ACOT9: variants seen among roughly 807,000 people sequenced by gnomAD.
ACOT9 encodes the protein acyl-CoA thioesterase 9.
Under a neutral mutation model 39.7 loss-of-function variants are expected in ACOT9, and 34 were observed. The observed-to-expected ratio is 0.86, with a 90% CI of 0.65 to 1.14. The LOEUF is 1.14. Ranked by LOEUF, ACOT9 falls within the 50% of genes most tolerant of loss-of-function variation. The pLI is 0.00. For missense variants in ACOT9, 313 were observed against 344.1 expected (o/e 0.91, Z 0.71); for synonymous variants, 110 against 120.5 (o/e 0.91, Z 0.57).
Position 23,728,398 on chromosome X carries a change from T to C in ACOT9, c.400+2129A>G, listed in dbSNP as rs755690595. Among the ~76,000 whole-genome samples the C allele has an allele frequency of 3.6e-5, 4 of 110,418 alleles. No individual in the cohort carries two copies. The South Asian group carries it at 1.5e-3, about 43-fold the overall frequency. Reference sequence around the variant, plus strand: ...CCAGGTAAGGTGAGGGGAGCATCCATGATGCATGAGGGGTGGCAGCCATAG... The same window carrying C: ...CCAGGTAAGGTGAGGGGAGCATCCACGATGCATGAGGGGTGGCAGCCATAG... On this transcript the variant is annotated intron_variant, in intron 6 of 15. Coordinates refer to ENST00000379303, the MANE Select transcript of ACOT9 (RefSeq NM_001037171.2).
chrX:23,718,496 A>G (rs1453863655), intron 8 of ACOT9, among the ~76,000 whole-genome samples: 14 of 112,366 alleles, frequency 1.2e-4, no homozygotes, highest in African/African-American at 4.5e-4. Context: ...TTTTCAACCT[A>G]TTTGTCCAAG....
chrX:23,730,577 G>A lies in ACOT9; in HGVS notation c.363-13C>T, dbSNP rs189977421. On this transcript the variant is annotated splice_polypyrimidine_tract_variant and intron_variant, in intron 5 of 15. Coordinates refer to ENST00000379303, the MANE Select transcript of ACOT9 (RefSeq NM_001037171.2). ...AATCCTGCCAAATCTGTGAAATAAAGCAAACAGTGAATTAAATGCAAATCA... is the reference window on the plus strand; with the variant it reads ...AATCCTGCCAAATCTGTGAAATAAAACAAACAGTGAATTAAATGCAAATCA... 1 of 1,196,012 alleles carries A rather than the reference G, an allele frequency of 8.4e-7. No homozygotes were observed. The highest frequency in any genetic ancestry group is 1.8e-5 in the African/African-American group (1 of 57,016).
At chrX:23,722,868 C>T (rs1185405167) in intron 6 of ACOT9, 115 bp from the exon 7 acceptor site, 1 of 436,889 alleles carries the variant, frequency 2.3e-6, no homozygotes, top group African/African-American at 2.5e-5. Flanking sequence ...GATCCAGCCC[C>T]TAATATTCCA....
At chrX:23,712,063 T>A (rs747828068) in intron 9 of ACOT9, among the ~76,000 whole-genome samples, 3 of 110,743 alleles carry the variant, frequency 2.7e-5, no homozygotes, top group Non-Finnish European at 5.7e-5. Flanking sequence ...TAAGAAACAA[T>A]AGGGGAAGAC....
Position 23,737,228 on chromosome X carries a change from G to A in ACOT9, c.21-1212C>T, listed in dbSNP as rs1350995242. On this transcript the variant is annotated intron_variant, in intron 1 of 15. Coordinates refer to ENST00000379303, the MANE Select transcript of ACOT9 (RefSeq NM_001037171.2). ...CTTGTGAGGCTGAGGCAGGAGAATC[G>A]CTTGAACCCAGGAGATGGAGGTTGC... Among the ~76,000 whole-genome samples, 4 of 110,410 alleles carry A rather than the reference G, an allele frequency of 3.6e-5. No homozygotes were observed. In the South Asian group the frequency reaches 1.2e-3, roughly 32 times the overall value.
At chrX:23,708,122 T>A (rs1192273745) in intron 9 of ACOT9, among the ~76,000 whole-genome samples, 178 bp from the exon 10 acceptor site, 1 of 112,407 alleles carries the variant, frequency 8.9e-6, no homozygotes, top group Non-Finnish European at 1.9e-5. Flanking sequence ...ACAGCCTTAA[T>A]TGCACACTAG....
intron 4 of ACOT9, 118 bp from the exon 5 acceptor site, chrX:23,731,104 C>T: frequency 1.9e-6 from 1 of 519,811 alleles, no homozygotes; most frequent in Non-Finnish European, 3.0e-6. Context: ...GGCCTACTTT[C>T]ACCTTCTCTT....
chrX:23,724,094 T>C (rs1929419399), intron 6 of ACOT9, among the ~76,000 whole-genome samples: 2 of 109,596 alleles, frequency 1.8e-5, no homozygotes, highest in African/African-American at 6.6e-5. Context: ...AGAGACTCCA[T>C]CTCTACCAAA....
intron 3 of ACOT9, 67 bp from the exon 4 acceptor site, chrX:23,733,284 G>A: frequency 1.0e-6 from 1 of 970,272 alleles, no homozygotes; most frequent in Non-Finnish European, 1.5e-6. Context: ...ATGGCAATGA[G>A]CTCAAGAACT....
intron 6 of ACOT9, 71 bp from the exon 7 acceptor site, chrX:23,722,824 C>A: frequency 1.4e-6 from 1 of 702,967 alleles, no homozygotes; most frequent in South Asian, 2.6e-5. Context: ...AATTTCCTCC[C>A]TGAGATCCAT....
At chrX:23,704,337 ATTTTTTTTTT>A (rs749027257) in intron 15 of ACOT9, among the ~76,000 whole-genome samples, 2 of 88,733 alleles carry the variant, frequency 2.3e-5, no homozygotes, top group African/African-American at 8.8e-5. Flanking sequence ...TGCCCGGCTA[ATTTTTTTTTT>A]TTTTTTTTTT....
chrX:23,739,196 T>C (rs1930050034), intron 1 of ACOT9, among the ~76,000 whole-genome samples: 1 of 110,519 alleles, frequency 9.0e-6, no homozygotes, highest in Non-Finnish European at 1.9e-5. Flanking sequence ...AGGCGGAAGC[T>C]GCGGTGAGCC....
intron 9 of ACOT9, among the ~76,000 whole-genome samples, chrX:23,708,530 CAAAAAAAGAAAAAAAAA>C (rs1928783753): frequency 2.3e-5 from 1 of 42,687 alleles, no homozygotes. Context: ...AACTCTGTCT[CAAAAAAAGAAAAAAAAA>C]AAAAAAAGAA....
At chrX:23,706,936 A>G (rs377359478) in intron 10 of ACOT9, 197 bp from the exon 11 acceptor site, 7 of 347,028 alleles carry the variant, frequency 2.0e-5, no homozygotes, top group Non-Finnish European at 3.5e-5. Flanking sequence ...AGATCACTTG[A>G]TATCATCCTG....
intron 6 of ACOT9, among the ~76,000 whole-genome samples, chrX:23,729,035 T>C (rs1449919605): frequency 9.6e-6 from 1 of 104,154 alleles, no homozygotes; most frequent in African/African-American, 3.6e-5. Flanking sequence ...AAATAATGAA[T>C]TGAAAGTCTG....
At chrX:23,724,670 G>A (rs890465174) in intron 6 of ACOT9, among the ~76,000 whole-genome samples, 5 of 111,231 alleles carry the variant, frequency 4.5e-5, no homozygotes, top group African/African-American at 1.6e-4. Flanking sequence ...CTACTTGAGA[G>A]GCTAAGATGG....
In ACOT9 at chrX:23,704,861, A is replaced by G. The variant is rs766704590; in HGVS notation, c.1108-17T>C. On this transcript the variant is annotated splice_polypyrimidine_tract_variant and intron_variant, in intron 14 of 15. Transcript: ENST00000379303. ...AAAGCATACCTAACAGATTATAGAC[A>G]CTATAATCAGTCAACTGCATTAGGA... 8.4e-7 allele frequency: 1 copy of G among 1,191,858 alleles called. No individual in the cohort carries two copies. Among genetic ancestry groups the G allele is most frequent in the Non-Finnish European group, 1.1e-6 (1 of 880,422 alleles).
intron 1 of ACOT9, among the ~76,000 whole-genome samples, chrX:23,741,604 T>C (rs1920965242): frequency 8.9e-6 from 1 of 112,291 alleles, no homozygotes; most frequent in Non-Finnish European, 1.9e-5. Flanking sequence ...TCAAAGAACC[T>C]AATCATCTCA....
chrX:23,707,525 T>C (rs1402222018), intron 10 of ACOT9, among the ~76,000 whole-genome samples: 1 of 110,991 alleles, frequency 9.0e-6, no homozygotes, highest in Non-Finnish European at 1.9e-5. Context: ...GATCACGAGT[T>C]CAGGAGATCG....
Sources: allele counts gnomAD v4.1 joint callset (sites outside exome capture counted in the v4.1 genomes callset), GRCh38; gene constraint gnomAD v4.1.1; transcripts MANE v1.5; gene names NCBI Gene and HGNC (gene_info 2026-07-23, HGNC 2026-07-21).